The following AMMECR1 variants were observed in gnomAD, a reference collection of about 807,000 sequenced individuals.
AMMECR1 encodes AMMECR nuclear protein 1, also known as nuclear protein AMMECR1.
In AMMECR1, 3 loss-of-function variants were observed where a neutral mutation model predicts 22.5. That is an observed-to-expected ratio of 0.13 (90% confidence interval 0.06 to 0.35). The LOEUF (loss-of-function observed/expected upper bound fraction) is 0.35. AMMECR1 is among the 10% of genes least tolerant of loss of function. The pLI is 1.00. For missense variants in AMMECR1, 235 were observed against 278.7 expected, an observed-to-expected ratio of 0.84 and a Z score of 1.12; for synonymous variants, 130 against 116.7, an observed-to-expected ratio of 1.11 and a Z score of -0.74.
intron 2 of AMMECR1, among the ~76,000 whole-genome samples, chrX:110,377,019 G>A (rs1176008090): frequency 8.9e-6 from 1 of 111,932 alleles, no homozygotes; most frequent in African/African-American, 3.3e-5. Context: ...CTACAGCACT[G>A]CAGTAGTGGT....
intron 1 of AMMECR1, among the ~76,000 whole-genome samples, chrX:110,436,314 ATTCACCAAGATAGAATGCACTGT>A (rs1257760346): frequency 9.0e-6 from 1 of 111,298 alleles, no homozygotes; most frequent in Non-Finnish European, 1.9e-5. Context: ...CCTTACCCCC[ATTCACCAAGATAGAATGCACTGT>A]TTCTTAAGGT....
At chrX:110,327,218 C>T (rs901096343) in intron 2 of AMMECR1, among the ~76,000 whole-genome samples, 1 of 111,372 alleles carries the variant, frequency 9.0e-6, no homozygotes, top group African/African-American at 3.3e-5. Flanking sequence ...GTATTAGAAG[C>T]CATGGTCTGG....
intron 2 of AMMECR1, among the ~76,000 whole-genome samples, chrX:110,363,091 G>A (rs1457198799): frequency 4.5e-5 from 5 of 111,900 alleles, no homozygotes; most frequent in Non-Finnish European, 9.4e-5. Context: ...CATATGCCAT[G>A]CAGCACACTA....
chrX:110,396,102 G>T (rs187112063), intron 2 of AMMECR1, among the ~76,000 whole-genome samples: 13 of 111,319 alleles, frequency 1.2e-4, no homozygotes, highest in Admixed American at 7.6e-4. Flanking sequence ...TTTGTGCCCT[G>T]TCCACCCACC....
At chrX:110,247,373 T>G (rs1265213585) in intron 2 of AMMECR1, among the ~76,000 whole-genome samples, 4 of 111,843 alleles carry the variant, frequency 3.6e-5, no homozygotes, top group Non-Finnish European at 7.5e-5. Context: ...TTGGGCAACA[T>G]GGTGAAACCC....
intron 2 of AMMECR1, among the ~76,000 whole-genome samples, chrX:110,408,837 T>C (rs185122794): frequency 1.2e-3 from 137 of 112,962 alleles, no homozygotes; most frequent in African/African-American, 4.1e-3. Context: ...CATAGTGTTT[T>C]ATTATGTATT....
At chrX:110,344,696 A>G (rs2068180812) in intron 2 of AMMECR1, among the ~76,000 whole-genome samples, 1 of 111,755 alleles carries the variant, frequency 8.9e-6, no homozygotes, top group South Asian at 3.8e-4. Flanking sequence ...ATATGAACAG[A>G]CACTTCTCAA....
chrX:110,388,799 A>G lies in AMMECR1; in HGVS notation c.-148+37859T>C, dbSNP rs764496760. Among the ~76,000 whole-genome samples, 4 of 111,854 alleles carry G rather than the reference A, an allele frequency of 3.6e-5. No individual in the cohort carries two copies. In the South Asian group the frequency reaches 1.5e-3, roughly 43 times the overall value. ...TTTAAGAACCATTGCTCTGCCAAGT[A>G]GTTGGCTCAAGAGTAGCTAATTAGA... On this transcript the variant is annotated intron_variant, in intron 2 of 7. Transcript: ENST00000372057.
At chrX:110,398,660 T>A (rs1356085755) in intron 2 of AMMECR1, among the ~76,000 whole-genome samples, 3 of 112,111 alleles carry the variant, frequency 2.7e-5, no homozygotes, top group Middle Eastern at 4.6e-3. Context: ...ATCTTAACTG[T>A]ATCACACCAC....
chrX:110,295,967 C>T (rs1010219458), intron 1 of AMMECR1, among the ~76,000 whole-genome samples: 26 of 111,727 alleles, frequency 2.3e-4, no homozygotes, highest in Non-Finnish European at 1.9e-4. Context: ...AACAAACATA[C>T]CTTTATACTG....
chrX:110,281,096 T>G (rs1214244148), intron 1 of AMMECR1, among the ~76,000 whole-genome samples: 1 of 112,485 alleles, frequency 8.9e-6, no homozygotes, highest in Non-Finnish European at 1.9e-5. Context: ...CAACCAGCAC[T>G]TATGAATCAT....
chrX:110,216,440 T>C (rs1472737512), intron 3 of AMMECR1, 78 bp downstream of exon 3: 3 of 707,209 alleles, frequency 4.2e-6, no homozygotes, highest in African/African-American at 4.4e-5. Context: ...GCTGAAAGAG[T>C]TATTTTCTGG....
intron 2 of AMMECR1, among the ~76,000 whole-genome samples, chrX:110,382,980 A>C (rs753163260): frequency 3.6e-5 from 4 of 112,086 alleles, no homozygotes; most frequent in Non-Finnish European, 7.5e-5. Context: ...TCAGTTTTAC[A>C]TGATGCAGTG....
rs188531621 is a variant in AMMECR1 at position 110,433,182 on chromosome X, A to T, written c.-293-6379T>A. 3.6e-5 allele frequency among the ~76,000 whole-genome samples: 4 copies of T among 112,587 alleles called. No individual in the cohort carries two copies. The East Asian group carries it at 8.4e-4, about 24-fold the overall frequency. Reference sequence around the variant, plus strand: ...GCTGAAAACCAGGACCCTCAAGCCGAGCCTGACGTCACATAGTTGATTGAG... The same window carrying T: ...GCTGAAAACCAGGACCCTCAAGCCGTGCCTGACGTCACATAGTTGATTGAG... On this transcript the variant is annotated intron_variant, in intron 1 of 7. Coordinates refer to the AMMECR1 transcript ENST00000372057.
chrX:110,210,184 T>C (rs1569373547), intron 3 of AMMECR1, among the ~76,000 whole-genome samples: 1 of 109,834 alleles, frequency 9.1e-6, no homozygotes, highest in Admixed American at 9.8e-5. Flanking sequence ...GACTTGTTGA[T>C]GCACAGCAAA....
chrX:110,438,750 C>T (rs1264157057), intron 1 of AMMECR1, among the ~76,000 whole-genome samples: 1 of 111,338 alleles, frequency 9.0e-6, no homozygotes, highest in Admixed American at 9.5e-5. Context: ...CCTTTTAGAA[C>T]ACAAATTAGA....
intron 2 of AMMECR1, among the ~76,000 whole-genome samples, chrX:110,349,637 C>T (rs113496506): frequency 0.044 from 4,892 of 111,780 alleles, 269 homozygotes; most frequent in African/African-American, 0.15. Flanking sequence ...ATTGGAAGTA[C>T]ATAAATGGAG....
intron 2 of AMMECR1, among the ~76,000 whole-genome samples, chrX:110,370,757 A>G (rs1284008201): frequency 8.9e-6 from 1 of 112,310 alleles, no homozygotes; most frequent in Non-Finnish European, 1.9e-5. Flanking sequence ...GGACCTGTGG[A>G]GTCCACATGG....
At chrX:110,409,206 G>C (rs1332058493) in intron 2 of AMMECR1, among the ~76,000 whole-genome samples, 1 of 110,605 alleles carries the variant, frequency 9.0e-6, no homozygotes, top group Non-Finnish European at 1.9e-5. Flanking sequence ...TTTTGAGACG[G>C]GGACTTTTGA....
Sources: gnomAD v4.1 joint callset for allele counts (sites outside exome capture counted in the v4.1 genomes callset) on GRCh38, gnomAD v4.1.1 for gene constraint, MANE v1.5 for transcripts, NCBI Gene and HGNC (gene_info 2026-07-23, HGNC 2026-07-21) for gene names.